Variants in GGACT observed in about 807,000 individuals in gnomAD.
The protein encoded by GGACT is gamma-glutamylaminecyclotransferase.
For missense variants in GGACT, 241 were observed against 233.2 expected (o/e 1.03, Z -0.22); for synonymous variants, 118 against 115.3 (o/e 1.02, Z -0.15).
chr13:100,583,636 T>A (rs190159269), intron 2 of GGACT, among the ~76,000 whole-genome samples, 189 bp downstream of exon 2: 1 of 152,162 alleles, frequency 6.6e-6, no homozygotes, highest in East Asian at 1.9e-4. Flanking sequence ...GATCAAACAA[T>A]CCTCCTGCCT....
At chr13:100,544,965 A>T (rs2088591252) in intron 2 of GGACT, among the ~76,000 whole-genome samples, 1 of 152,238 alleles carries the variant, frequency 6.6e-6, no homozygotes, top group Non-Finnish European at 1.5e-5. Flanking sequence ...CGGCAGCAGG[A>T]GCGGAGGTGC....
intron 2 of GGACT, among the ~76,000 whole-genome samples, chr13:100,548,810 A>G (rs1257555110): frequency 6.6e-6 from 1 of 152,290 alleles, no homozygotes; most frequent in Non-Finnish European, 1.5e-5. Flanking sequence ...CAAGCAAGGC[A>G]AAGCCACAAC....
At chr13:100,562,037 C>T (rs1303436456) in intron 2 of GGACT, among the ~76,000 whole-genome samples, 2 of 152,342 alleles carry the variant, frequency 1.3e-5, no homozygotes, top group African/African-American at 4.8e-5. Flanking sequence ...GACCAGATTC[C>T]AGGCAGCTCC....
chr13:100,542,308 C>T (rs2088562634), intron 2 of GGACT, among the ~76,000 whole-genome samples: 1 of 152,204 alleles, frequency 6.6e-6, no homozygotes, highest in East Asian at 1.9e-4. Flanking sequence ...GGGACAAGAT[C>T]GTCCTTCATG....
intron 2 of GGACT, among the ~76,000 whole-genome samples, chr13:100,535,057 CTGTT>C (rs1185695714): frequency 3.3e-5 from 5 of 152,196 alleles, no homozygotes; most frequent in African/African-American, 9.7e-5. Context: ...AACTTGGAAA[CTGTT>C]TGGTCCAGCA....
intron 2 of GGACT, among the ~76,000 whole-genome samples, chr13:100,558,677 C>T (rs902781320): frequency 1.3e-5 from 2 of 152,084 alleles, no homozygotes; most frequent in African/African-American, 4.8e-5. Flanking sequence ...CTCATATATC[C>T]ACATAAAGAC....
intron 1 of GGACT, among the ~76,000 whole-genome samples, chr13:100,585,822 CAAAAA>C (rs550006144): frequency 1.4e-4 from 4 of 29,542 alleles, no homozygotes; most frequent in Admixed American, 7.3e-4. Context: ...CTGTCTCCAC[CAAAAA>C]AAAAAAAAAA....
intron 2 of GGACT, among the ~76,000 whole-genome samples, chr13:100,558,111 C>T (rs1363840089): frequency 6.7e-6 from 1 of 148,288 alleles, no homozygotes; most frequent in Non-Finnish European, 1.5e-5. Context: ...ACCCAGGAGG[C>T]GGAGGTTGCA....
chr13:100,580,361 C>T (rs193108760), intron 2 of GGACT, among the ~76,000 whole-genome samples: 1 of 152,334 alleles, frequency 6.6e-6, no homozygotes, highest in Admixed American at 6.5e-5. Context: ...GGACAGAAGA[C>T]AGACACCGAG....
chr13:100,571,020 G>C (rs1875067333), intron 2 of GGACT, among the ~76,000 whole-genome samples: 1 of 152,118 alleles, frequency 6.6e-6, no homozygotes, highest in African/African-American at 2.4e-5. Flanking sequence ...TGAGCTGTGT[G>C]AAAACACAGT....
At chr13:100,563,115 C>A (rs994828869) in intron 2 of GGACT, among the ~76,000 whole-genome samples, 2 of 152,184 alleles carry the variant, frequency 1.3e-5, no homozygotes, top group Admixed American at 1.3e-4. Flanking sequence ...GTTGAAGCCA[C>A]CCGGTCTGTG....
chr13:100,575,701 C>G (rs1198024842), intron 2 of GGACT, among the ~76,000 whole-genome samples: 3 of 152,128 alleles, frequency 2.0e-5, no homozygotes, highest in Non-Finnish European at 4.4e-5. Context: ...GAGGTCGAGG[C>G]TGCTGTGAGC....
intron 2 of GGACT, among the ~76,000 whole-genome samples, chr13:100,535,261 T>C (rs2088475135): frequency 6.6e-6 from 1 of 152,256 alleles, no homozygotes; most frequent in African/African-American, 2.4e-5. Flanking sequence ...TGAAGTTTCC[T>C]ACCCCTTTCC....
intron 2 of GGACT, among the ~76,000 whole-genome samples, chr13:100,544,344 C>T (rs1367261492): frequency 2.6e-5 from 4 of 152,364 alleles, no homozygotes; most frequent in Middle Eastern, 3.4e-3. Flanking sequence ...CACTCTTCCC[C>T]GCGCGGCTCG....
At chr13:100,546,955 C>T (rs557970898) in intron 2 of GGACT, among the ~76,000 whole-genome samples, 73 of 152,340 alleles carry the variant, frequency 4.8e-4, no homozygotes, top group African/African-American at 1.7e-3. Context: ...GCAGTAGGCA[C>T]TTCATAAATA....
At chr13:100,540,356 G>A (rs952911963) in intron 2 of GGACT, 66 of 666,396 alleles carry the variant, frequency 9.9e-5, no homozygotes, top group Non-Finnish European at 1.6e-4. Flanking sequence ...TCAGTAGGTT[G>A]TGTCTTTCTA....
intron 2 of GGACT, among the ~76,000 whole-genome samples, chr13:100,544,171 C>T (rs2088582536): frequency 6.6e-6 from 1 of 152,194 alleles, no homozygotes; most frequent in Non-Finnish European, 1.5e-5. Flanking sequence ...CCTCCCTCCC[C>T]CACTGTAACA....
chr13:100,581,105 T>C (rs1290738248), intron 2 of GGACT, among the ~76,000 whole-genome samples: 1 of 152,184 alleles, frequency 6.6e-6, no homozygotes, highest in Non-Finnish European at 1.5e-5. Context: ...AATGGTTCCA[T>C]ACAGAAGTAT....
intron 2 of GGACT, among the ~76,000 whole-genome samples, chr13:100,573,855 C>G (rs1289038129): frequency 4.9e-4 from 73 of 147,656 alleles, no homozygotes; most frequent in African/African-American, 1.8e-3. Context: ...TACCATCTCA[C>G]ACCTGTCAAG....
Sources: allele counts gnomAD v4.1 joint callset (sites outside exome capture counted in the v4.1 genomes callset), GRCh38; gene constraint gnomAD v4.1.1; transcripts MANE v1.5; gene names NCBI Gene and HGNC (gene_info 2026-07-23, HGNC 2026-07-21).